Variants in ZNF341 observed in about 807,000 individuals in gnomAD.
The protein encoded by ZNF341 is zinc finger protein 341.
A neutral mutation model predicts 87.7 loss-of-function variants in ZNF341; 52 were observed. That is an observed-to-expected ratio of 0.59 (90% CI 0.47 to 0.75). ZNF341 has a LOEUF of 0.75. Ranked by LOEUF, ZNF341 falls within the 30% of genes least tolerant of loss-of-function variation. The pLI is 0.00. For missense variants in ZNF341, 977 were observed against 1,145.9 expected, an observed-to-expected ratio of 0.85 and a Z score of 2.13; for synonymous variants, 459 against 472.7, an observed-to-expected ratio of 0.97 and a Z score of 0.38.
At chr20:33,748,466 G>C (rs2122653094) in intron 3 of ZNF341, among the ~76,000 whole-genome samples, 1 of 152,144 alleles carries the variant, frequency 6.6e-6, no homozygotes, top group African/African-American at 2.4e-5. Flanking sequence ...TTCCGTTTTT[G>C]TTTGTTTGTT....
At chr20:33,755,555 A>AT (rs1411706146) in intron 5 of ZNF341, among the ~76,000 whole-genome samples, 1 of 119,156 alleles carries the variant, frequency 8.4e-6, no homozygotes, top group East Asian at 2.4e-4. Context: ...TGTCTGAAAT[A>AT]TTTTTTCAAC....
chr20:33,772,639 G>T (rs115853360), intron 10 of ZNF341, among the ~76,000 whole-genome samples: 2,557 of 152,294 alleles, frequency 0.017, 79 homozygotes, highest in African/African-American at 0.058. Context: ...ATAGGAGTTT[G>T]CCAGGTAGAC....
In ZNF341 at chr20:33,791,007, CGCCCTG is replaced by C; in HGVS notation, c.2056_2061del (p.Ala686_Leu687del). 6.2e-7 allele frequency: 1 copy of C among 1,612,364 alleles called. No individual in the cohort carries two copies. The highest frequency in any genetic ancestry group is 2.2e-5 in the East Asian group (1 of 44,884). On this transcript the variant is annotated inframe_deletion, in exon 15 of 15. Coordinates refer to ENST00000375200, the MANE Select transcript of ZNF341 (RefSeq NM_001282933.2). ...CTCCAGGCATGAAGCTCCACAAATG[CGCCCTG>C]TGCAGCAAGTCCTTCAGCCGCCGTG...
chr20:33,740,465 A>G (rs1370141605), intron 1 of ZNF341, among the ~76,000 whole-genome samples: 2 of 152,096 alleles, frequency 1.3e-5, no homozygotes, highest in African/African-American at 4.8e-5. Flanking sequence ...ATAGAAGAGA[A>G]TGTATATTGG....
intron 4 of ZNF341, 145 bp from the exon 5 acceptor site, chr20:33,753,027 C>A: frequency 8.4e-7 from 1 of 1,192,968 alleles, no homozygotes; most frequent in Non-Finnish European, 1.2e-6. Flanking sequence ...GACTTTGTTT[C>A]CCCAACCTCT....
chr20:33,744,407 G>A (rs1289790595), intron 2 of ZNF341, among the ~76,000 whole-genome samples: 1 of 151,964 alleles, frequency 6.6e-6, no homozygotes, highest in East Asian at 1.9e-4. Context: ...CTGGCAGGGC[G>A]AACGGTGGAT....
rs1488151644 is a variant in ZNF341 at position 33,732,825 on chromosome 20, C to T, written c.31+773C>T. Reference sequence around the variant, plus strand: ...CTTTGGAGACAGCAAACACTGAGCACCTCCATGTGTGCATCTGCTGGGCGT... The same window carrying T: ...CTTTGGAGACAGCAAACACTGAGCATCTCCATGTGTGCATCTGCTGGGCGT... On this transcript the variant is annotated intron_variant, in intron 1 of 14. Coordinates refer to ENST00000375200, the MANE Select transcript of ZNF341 (RefSeq NM_001282933.2). This position sits in a 1 kb window ranked among gnomAD's most constrained non-coding sequence, Gnocchi z 4.5. 1.3e-5 allele frequency among the ~76,000 whole-genome samples: 2 copies of T among 152,304 alleles called. No homozygotes were observed. The highest frequency in any genetic ancestry group is 3.9e-4 in the East Asian group (2 of 5,180).
Position 33,770,136 on chromosome 20 carries a change from C to T in ZNF341, c.1466C>T (p.Thr489Ile). ...GCCCAGACGTTCCCAAAGCTCGACA[C>T]ATTTCTGGAGCACATCAAGAGCCAC... ...SCAQTFPKLDTFLEHIKSHQE... is the reference protein window; with the variant it reads ...SCAQTFPKLDIFLEHIKSHQE... Residue 489 changes from threonine (T) to isoleucine (I), a missense_variant, in exon 10 of 15, where the codon ACA becomes ATA. This residue lies in a region of ZNF341 where 241 missense variants were observed against 335.0 expected (regional missense o/e 0.72). Transcript: ENST00000375200. 11 of 1,614,124 alleles carry T rather than the reference C, an allele frequency of 6.8e-6. No individual in the cohort carries two copies. The highest frequency in any genetic ancestry group is 9.3e-6 in the Non-Finnish European group (11 of 1,179,988).
intron 11 of ZNF341, among the ~76,000 whole-genome samples, chr20:33,782,910 C>T (rs188346379): frequency 1.2e-3 from 181 of 152,214 alleles, no homozygotes; most frequent in African/African-American, 3.7e-3. Context: ...AATCCCAGCA[C>T]TTCGGGAGGC....
At chr20:33,758,877 C>A in intron 7 of ZNF341, 71 bp downstream of exon 7, 2 of 1,357,260 alleles carry the variant, frequency 1.5e-6, no homozygotes, top group Non-Finnish European at 1.0e-6. Flanking sequence ...GGAAGCGAGA[C>A]TCCCTTCTCA....
intron 5 of ZNF341, among the ~76,000 whole-genome samples, chr20:33,755,399 T>A (rs915264249): frequency 6.6e-6 from 1 of 152,122 alleles, no homozygotes; most frequent in African/African-American, 2.4e-5. Context: ...TGGCCTCAAG[T>A]GATCCTCTCA....
At chr20:33,745,577 T>C (rs1198340203) in intron 3 of ZNF341, among the ~76,000 whole-genome samples, 1 of 152,098 alleles carries the variant, frequency 6.6e-6, no homozygotes, top group Non-Finnish European at 1.5e-5. Flanking sequence ...ATATAGCAGG[T>C]AAAAGGTTTT....
Position 33,791,580 on chromosome 20 carries a change from G to C in ZNF341, c.*63G>C. ...CTCCTGTTTGGGTCCAGGGCCCCTGGGGGCAGACCGGTGATCCTTACCAGT... is the reference window on the plus strand; with the variant it reads ...CTCCTGTTTGGGTCCAGGGCCCCTGCGGGCAGACCGGTGATCCTTACCAGT... On this transcript the variant is annotated 3_prime_UTR_variant, in exon 15 of 15. Transcript: ENST00000375200. 6.9e-7 allele frequency: 1 copy of C among 1,453,914 alleles called. No individual in the cohort carries two copies. Among genetic ancestry groups the C allele is most frequent in the Non-Finnish European group, 9.1e-7 (1 of 1,103,238 alleles). The allele number at this position is 1,453,914 out of a possible 1,614,324, so 90.1% of individuals were successfully genotyped here.
intron 5 of ZNF341, among the ~76,000 whole-genome samples, chr20:33,756,370 T>C (rs575409605): frequency 5.6e-4 from 35 of 62,662 alleles, no homozygotes; most frequent in Admixed American, 3.2e-3. Context: ...CTCTCTCTCT[T>C]TTTTTTTTTT....
intron 14 of ZNF341, among the ~76,000 whole-genome samples, chr20:33,789,976 G>A (rs1352667976): frequency 1.3e-5 from 2 of 152,114 alleles, no homozygotes; most frequent in South Asian, 2.1e-4. Context: ...GTTTCTCAGC[G>A]CCTCCTCAGA....
intron 8 of ZNF341, among the ~76,000 whole-genome samples, chr20:33,762,674 C>G (rs973932249): frequency 6.6e-6 from 1 of 152,114 alleles, no homozygotes; most frequent in Non-Finnish European, 1.5e-5. Context: ...TCCTAAGGCT[C>G]TCTCTCCCCT....
intron 12 of ZNF341, chr20:33,788,244 C>T (rs2019913543): frequency 6.5e-6 from 1 of 152,962 alleles, no homozygotes; most frequent in Non-Finnish European, 1.5e-5. Flanking sequence ...TGGTGAAACC[C>T]CCCATCTCTA....
intron 10 of ZNF341, among the ~76,000 whole-genome samples, chr20:33,771,692 C>T (rs766017654): frequency 1.3e-5 from 2 of 151,974 alleles, no homozygotes; most frequent in Non-Finnish European, 2.9e-5. Flanking sequence ...AAGGTTTCCT[C>T]AGTTTTGCAA....
chr20:33,751,053 G>A (rs753032591), intron 4 of ZNF341, among the ~76,000 whole-genome samples: 4 of 152,164 alleles, frequency 2.6e-5, no homozygotes, highest in Non-Finnish European at 5.9e-5. Flanking sequence ...GGGATTACAG[G>A]TGTGAGCCAC....
Sources: allele counts gnomAD v4.1 joint callset (sites outside exome capture counted in the v4.1 genomes callset), GRCh38; gene constraint gnomAD v4.1.1; regional missense constraint gnomAD v4.1.1; non-coding constraint Gnocchi (gnomAD v3.1); transcripts MANE v1.5; gene names NCBI Gene and HGNC (gene_info 2026-07-23, HGNC 2026-07-21).